DLGAP2: variants seen among roughly 807,000 people sequenced by gnomAD.
DLGAP2 encodes the protein disks large-associated protein 2.
In DLGAP2, 26 loss-of-function variants were observed where a neutral mutation model predicts 100.3. The ratio of observed to expected loss-of-function variants is 0.26; its 90% CI spans 0.19 to 0.36. The LOEUF is 0.36. Ranked by LOEUF, DLGAP2 falls within the 10% of genes least tolerant of loss-of-function variation. The probability of loss-of-function intolerance (pLI) is 1.00; values close to 1 mark genes in which losing one functional copy is unlikely to be tolerated. For missense variants in DLGAP2, 1,858 were observed against 1,453.2 expected (o/e 1.28, Z -4.53); for synonymous variants, 886 against 630.1 (o/e 1.41, Z -6.08).
chr8:1,054,239 T>C (rs1480849226), intron 2 of DLGAP2, among the ~76,000 whole-genome samples: 3 of 151,876 alleles, frequency 2.0e-5, no homozygotes, highest in African/African-American at 7.2e-5. Flanking sequence ...TGTATGCACA[T>C]GTACACACAC....
chr8:1,186,872 A>C (rs1465219477), intron 2 of DLGAP2, among the ~76,000 whole-genome samples: 2 of 151,978 alleles, frequency 1.3e-5, no homozygotes, highest in Admixed American at 6.5e-5. Context: ...ACATGCCCCC[A>C]CGTCTGCCCT....
At chr8:772,156 C>T (rs946351353) in intron 1 of DLGAP2, among the ~76,000 whole-genome samples, 1 of 152,122 alleles carries the variant, frequency 6.6e-6, no homozygotes, top group Non-Finnish European at 1.5e-5. Flanking sequence ...CTGCCTCAGC[C>T]TCCCAAAGTG....
chr8:897,421 C>G (rs1158003602), intron 1 of DLGAP2, among the ~76,000 whole-genome samples: 1 of 152,232 alleles, frequency 6.6e-6, no homozygotes, highest in Admixed American at 6.5e-5. Context: ...AGATGAATTT[C>G]ACGGTCATTT....
intron 2 of DLGAP2, among the ~76,000 whole-genome samples, chr8:922,334 C>T (rs182793591): frequency 1.6e-4 from 24 of 152,250 alleles, no homozygotes; most frequent in South Asian, 2.1e-4. Flanking sequence ...CGGACCCCTC[C>T]GGAGGGAAAA....
intron 3 of DLGAP2, among the ~76,000 whole-genome samples, chr8:1,487,655 A>G (rs1391240527): frequency 6.6e-6 from 1 of 152,178 alleles, no homozygotes. Context: ...AACTGATTTC[A>G]TGGTGTAGGA....
chr8:1,357,863 G>T (rs1264644878), intron 3 of DLGAP2, among the ~76,000 whole-genome samples: 1 of 152,174 alleles, frequency 6.6e-6, no homozygotes, highest in East Asian at 1.9e-4. Flanking sequence ...GTCCCCATGG[G>T]GAGGAGCAGC....
chr8:1,488,030 A>T (rs1306935732), intron 3 of DLGAP2, among the ~76,000 whole-genome samples: 1 of 46,094 alleles, frequency 2.2e-5, no homozygotes. Context: ...ATCATCGCTG[A>T]GAGTCTTCGT....
rs115259991 is a variant in DLGAP2 at position 772,923 on chromosome 8, G to T, written c.18+35098G>T. On this transcript the variant is annotated intron_variant, in intron 1 of 14. Coordinates refer to ENST00000637795, the MANE Select transcript of DLGAP2 (RefSeq NM_001346810.2). ...TGGTGGTGTTAGAGCTAGAGTACAT[G>T]GAATGCACCCCAGATGCATTGAGCC... is the stretch of plus-strand genomic sequence containing the variant. Among the ~76,000 whole-genome samples the T allele has an allele frequency of 3.8e-3, 581 of 152,270 alleles. 4 individuals carry two copies. Among genetic ancestry groups the T allele is most frequent in the African/African-American group, 0.013 (543 of 41,550 alleles).
intron 2 of DLGAP2, among the ~76,000 whole-genome samples, chr8:1,090,574 C>T (rs1804146062): frequency 1.3e-5 from 2 of 152,214 alleles, no homozygotes; most frequent in Admixed American, 6.5e-5. Context: ...GGGGTTTGTC[C>T]TGTGGGGAGA....
chr8:1,233,449 C>G (rs1457080863), intron 2 of DLGAP2, among the ~76,000 whole-genome samples: 2 of 152,208 alleles, frequency 1.3e-5, no homozygotes, highest in African/African-American at 2.4e-5. Context: ...CTGCCTACCA[C>G]GGGCCTGAAT....
chr8:774,641 C>T (rs1333583006), intron 1 of DLGAP2, among the ~76,000 whole-genome samples: 2 of 151,414 alleles, frequency 1.3e-5, no homozygotes, highest in African/African-American at 2.4e-5. Context: ...TCAGGTTTGT[C>T]AAAGATCAGA....
intron 1 of DLGAP2, among the ~76,000 whole-genome samples, chr8:813,265 G>GAA (rs573237600): frequency 3.5e-5 from 5 of 144,576 alleles, no homozygotes; most frequent in Admixed American, 1.4e-4. Context: ...TTTTCAAAAC[G>GAA]AAAAAAAAAC....
chr8:1,658,454 G>C (rs1563045725), intron 8 of DLGAP2, among the ~76,000 whole-genome samples: 1 of 152,142 alleles, frequency 6.6e-6, no homozygotes, highest in South Asian at 2.1e-4. Flanking sequence ...TGTTACGTAG[G>C]CTATGGATCC....
intron 2 of DLGAP2, among the ~76,000 whole-genome samples, chr8:970,236 T>C (rs764291892): frequency 8.5e-5 from 13 of 152,232 alleles, no homozygotes; most frequent in Non-Finnish European, 1.2e-4. Context: ...TTGTTACTGA[T>C]AGAGTTATAA....
intron 2 of DLGAP2, among the ~76,000 whole-genome samples, chr8:1,038,377 C>T (rs1391787953): frequency 6.6e-6 from 1 of 152,242 alleles, no homozygotes; most frequent in Non-Finnish European, 1.5e-5. Flanking sequence ...TGGCAGGGAA[C>T]CTCCAACCCC....
intron 1 of DLGAP2, among the ~76,000 whole-genome samples, chr8:855,648 A>T (rs575716763): frequency 1.3e-5 from 2 of 152,268 alleles, no homozygotes; most frequent in Non-Finnish European, 2.9e-5. Context: ...TTGGTTGGGG[A>T]AAGAATGGAA....
intron 3 of DLGAP2, among the ~76,000 whole-genome samples, chr8:1,320,189 A>T (rs73670753): frequency 0.016 from 2,372 of 152,012 alleles, 70 homozygotes; most frequent in African/African-American, 0.054. Flanking sequence ...TCATGGTGGC[A>T]CTGTTTCCGG....
rs1220590239 is a variant in DLGAP2 at position 815,643 on chromosome 8, A to T, written c.18+77818A>T. On this transcript the variant is annotated intron_variant, in intron 1 of 14. Coordinates refer to ENST00000637795, the MANE Select transcript of DLGAP2 (RefSeq NM_001346810.2). ...AATATAAATTGGTTATAGATTGGTA[A>T]ATAATGCCTTAACAATAATACTAGA... Among the ~76,000 whole-genome samples the T allele has an allele frequency of 3.3e-5, 5 of 152,240 alleles. No homozygotes were observed. In the East Asian group the frequency reaches 9.6e-4, roughly 29 times the overall value.
At chr8:1,472,237 G>C (rs866186325) in intron 3 of DLGAP2, among the ~76,000 whole-genome samples, 1 of 152,184 alleles carries the variant, frequency 6.6e-6, no homozygotes, top group South Asian at 2.1e-4. Flanking sequence ...GGGAGGGGAG[G>C]GGGGTTGAGC....
Sources: gnomAD v4.1 joint callset for allele counts (sites outside exome capture counted in the v4.1 genomes callset) on GRCh38, gnomAD v4.1.1 for gene constraint, MANE v1.5 for transcripts, NCBI Gene and HGNC (gene_info 2026-07-23, HGNC 2026-07-21) for gene names.